The following WWOX variants were observed in gnomAD, a reference collection of about 807,000 sequenced individuals.
WWOX encodes the protein WW domain-containing oxidoreductase.
Under a neutral mutation model 46.2 loss-of-function variants are expected in WWOX, and 69 were observed. That is an observed-to-expected ratio of 1.49 (90% CI 1.23 to 1.82). WWOX has a LOEUF of 1.82. Among genes scored for constraint, WWOX ranks in the 40% most tolerant of loss-of-function variants. The pLI, the probability that WWOX is intolerant of heterozygous loss-of-function variation, is 0.00. For missense variants in WWOX, 919 were observed against 542.6 expected (o/e 1.69, Z -6.89); for synonymous variants, 359 against 202.6 (o/e 1.77, Z -6.56).
chr16:78,868,294 A>G (rs1352501121), intron 8 of WWOX, among the ~76,000 whole-genome samples: 1 of 152,174 alleles, frequency 6.6e-6, no homozygotes, highest in East Asian at 1.9e-4. Context: ...CACATAGTAT[A>G]TGATGACATT....
intron 8 of WWOX, among the ~76,000 whole-genome samples, chr16:79,060,760 T>C (rs2048344256): frequency 6.6e-6 from 1 of 152,222 alleles, no homozygotes; most frequent in Non-Finnish European, 1.5e-5. Flanking sequence ...ATATTCTCTG[T>C]TTTTTAAGAC....
intron 8 of WWOX, among the ~76,000 whole-genome samples, chr16:78,786,239 A>G (rs1434394549): frequency 6.6e-5 from 10 of 152,148 alleles, no homozygotes; most frequent in Admixed American, 1.3e-4. Flanking sequence ...CCACTTTCTT[A>G]AGTCGAGACA....
At chr16:79,091,779 G>GTTTTTT (rs11329411) in intron 8 of WWOX, among the ~76,000 whole-genome samples, 11 of 109,144 alleles carry the variant, frequency 1.0e-4, no homozygotes, top group Admixed American at 2.2e-4. Flanking sequence ...TCTTTTCTTT[G>GTTTTTT]TTTTTTTTTT....
chr16:79,079,794 A>T (rs1445312483), intron 8 of WWOX, among the ~76,000 whole-genome samples: 1 of 152,208 alleles, frequency 6.6e-6, no homozygotes, highest in East Asian at 1.9e-4. Context: ...GCAAGCATGT[A>T]TCTTTGGAAT....
intron 8 of WWOX, among the ~76,000 whole-genome samples, chr16:78,501,177 C>CTT (rs2085055594): frequency 4.8e-5 from 1 of 20,928 alleles, no homozygotes; most frequent in Non-Finnish European, 1.1e-4. Flanking sequence ...GTTTTTCTTT[C>CTT]TCTCTCTTTC....
chr16:78,360,927 C>T lies in WWOX; in HGVS notation c.517-25933C>T, dbSNP rs146296301. 2.2e-4 allele frequency among the ~76,000 whole-genome samples: 34 copies of T among 152,048 alleles called. No individual in the cohort carries two copies. In the East Asian group the frequency reaches 6.2e-3, roughly 28 times the overall value. ...CCTCCACCTCCTAGGCTCAAGCGAT[C>T]CTCCCACCTCAGTCTCCTGAGTATC... On this transcript the variant is annotated intron_variant, in intron 5 of 8. Coordinates refer to ENST00000566780, the MANE Select transcript of WWOX (RefSeq NM_016373.4).
intron 8 of WWOX, among the ~76,000 whole-genome samples, chr16:78,441,111 G>A (rs966541004): frequency 6.6e-6 from 1 of 151,734 alleles, no homozygotes; most frequent in Non-Finnish European, 1.5e-5. Flanking sequence ...CACGGCTGAT[G>A]TTTGTATTTT....
At position 78,825,162 on chromosome 16, in the gene WWOX, T is replaced by C. The variant is rs148308103; in HGVS notation, c.1057-386446T>C. On this transcript the variant is annotated intron_variant, in intron 8 of 8. Transcript: ENST00000566780. Reference sequence around the variant, plus strand: ...TCATAGAGCAACCAAGTGGCAGGGCTGACTCCCACCCAGGTGTGTTCCATG... The same window carrying C: ...TCATAGAGCAACCAAGTGGCAGGGCCGACTCCCACCCAGGTGTGTTCCATG... 744 of 155,348 alleles carry C rather than the reference T, an allele frequency of 4.8e-3. 2 individuals carry two copies. Among genetic ancestry groups the C allele is most frequent in the African/African-American group, 0.017 (706 of 41,624 alleles). The allele number at this position is 155,348 out of a possible 1,614,324, so 9.6% of individuals were successfully genotyped here. A position where few individuals can be genotyped will look rare whatever the true frequency, so the allele number is the denominator to read the frequency against.
At chr16:78,138,920 C>G (rs901934410) in intron 4 of WWOX, among the ~76,000 whole-genome samples, 1 of 152,178 alleles carries the variant, frequency 6.6e-6, no homozygotes, top group Non-Finnish European at 1.5e-5. Flanking sequence ...GCAACTGTTT[C>G]TTGCAACTCC....
chr16:78,723,707 G>T (rs546302408), intron 8 of WWOX, among the ~76,000 whole-genome samples: 75 of 135,128 alleles, frequency 5.6e-4, no homozygotes, highest in Non-Finnish European at 8.7e-4. Flanking sequence ...GCTAATCCGG[G>T]CATTGGAGTG....
At chr16:78,824,842 C>T (rs968413266) in intron 8 of WWOX, among the ~76,000 whole-genome samples, 1 of 152,126 alleles carries the variant, frequency 6.6e-6, no homozygotes, top group Non-Finnish European at 1.5e-5. Context: ...ACACCCAAAG[C>T]ATATCAGGGT....
At chr16:78,421,037 G>C (rs2082915965) in intron 6 of WWOX, among the ~76,000 whole-genome samples, 1 of 152,080 alleles carries the variant, frequency 6.6e-6, no homozygotes, top group Admixed American at 6.5e-5. Flanking sequence ...ATTGCTTCTA[G>C]TTCATATGTA....
intron 8 of WWOX, among the ~76,000 whole-genome samples, chr16:78,758,471 T>C (rs1401585366): frequency 6.6e-6 from 1 of 152,244 alleles, no homozygotes; most frequent in Non-Finnish European, 1.5e-5. Flanking sequence ...GCATGTTTAT[T>C]ACCACAGATT....
chr16:78,751,195 T>A (rs958452000), intron 8 of WWOX, among the ~76,000 whole-genome samples: 1 of 152,082 alleles, frequency 6.6e-6, no homozygotes, highest in South Asian at 2.1e-4. Context: ...AAAAGACAGA[T>A]GTATTTAATT....
intron 8 of WWOX, among the ~76,000 whole-genome samples, chr16:78,796,787 G>A (rs1385880949): frequency 6.6e-6 from 1 of 151,834 alleles, no homozygotes; most frequent in African/African-American, 2.4e-5. Flanking sequence ...GCTCTGGCTG[G>A]TCAGTAAGAA....
intron 8 of WWOX, among the ~76,000 whole-genome samples, chr16:79,006,084 G>A (rs996996008): frequency 2.6e-5 from 4 of 152,158 alleles, no homozygotes; most frequent in South Asian, 2.1e-4. Context: ...TGGTCACTGC[G>A]CTAGGGAAGT....
chr16:78,363,474 T>C (rs1282149153), intron 5 of WWOX, among the ~76,000 whole-genome samples: 3 of 152,084 alleles, frequency 2.0e-5, no homozygotes, highest in African/African-American at 7.2e-5. Context: ...TGACAGTGTC[T>C]TGCTGTGTTT....
At chr16:78,936,589 G>T (rs894979312) in intron 8 of WWOX, among the ~76,000 whole-genome samples, 5 of 152,094 alleles carry the variant, frequency 3.3e-5, no homozygotes, top group African/African-American at 1.2e-4. Context: ...CAAATTTCTG[G>T]CTGGTACACC....
At chr16:78,178,903 C>T (rs894018146) in intron 5 of WWOX, among the ~76,000 whole-genome samples, 3 of 151,604 alleles carry the variant, frequency 2.0e-5, no homozygotes, top group African/African-American at 7.3e-5. Flanking sequence ...ATTGCTTTCT[C>T]TTCGGGATGG....
Sources: allele counts gnomAD v4.1 joint callset (sites outside exome capture counted in the v4.1 genomes callset), GRCh38; gene constraint gnomAD v4.1.1; transcripts MANE v1.5; gene names NCBI Gene and HGNC (gene_info 2026-07-23, HGNC 2026-07-21).